Variants in ARHGAP39 observed in about 807,000 individuals in gnomAD.
The protein encoded by ARHGAP39 is rho GTPase-activating protein 39.
A neutral mutation model predicts 106.9 loss-of-function variants in ARHGAP39; 44 were observed. That is an observed-to-expected ratio of 0.41 (90% CI 0.32 to 0.53). The LOEUF is 0.53. Among genes scored for constraint, ARHGAP39 ranks in the 20% least tolerant of loss-of-function variants. The pLI, the probability that ARHGAP39 is intolerant of heterozygous loss-of-function variation, is 0.21. For missense variants in ARHGAP39, 1,496 were observed against 1,577.3 expected, an observed-to-expected ratio of 0.95 and a Z score of 0.87; for synonymous variants, 768 against 693.2, an observed-to-expected ratio of 1.11 and a Z score of -1.69.
intron 2 of ARHGAP39, among the ~76,000 whole-genome samples, chr8:144,601,077 T>C (rs1819895594): frequency 7.0e-6 from 1 of 143,194 alleles, no homozygotes; most frequent in East Asian, 2.2e-4. Flanking sequence ...CTCGTGTACC[T>C]GTGTGCATGT....
the ARHGAP39 span, among the ~76,000 whole-genome samples, chr8:144,693,519 G>A: frequency 0.031 from 4,663 of 152,136 alleles, 233 homozygotes; most frequent in African/African-American, 0.11. Flanking sequence ...GACTACAGGC[G>A]CCCGCTGCCA....
intron 1 of ARHGAP39, among the ~76,000 whole-genome samples, chr8:144,678,028 G>GC (rs1822288002): frequency 6.6e-6 from 1 of 152,184 alleles, no homozygotes; most frequent in Non-Finnish European, 1.5e-5. Context: ...GCCATTCTCT[G>GC]AGGGCAACTC....
intron 9 of ARHGAP39, among the ~76,000 whole-genome samples, chr8:144,532,660 A>G (rs1358582312): frequency 6.6e-6 from 1 of 152,054 alleles, no homozygotes; most frequent in Non-Finnish European, 1.5e-5. Flanking sequence ...CCCTGGGTGG[A>G]TGCCCTCACC....
At chr8:144,624,267 GTATAGGA>G (rs1820883598) in intron 1 of ARHGAP39, among the ~76,000 whole-genome samples, 1 of 152,346 alleles carries the variant, frequency 6.6e-6, no homozygotes, top group Admixed American at 6.5e-5. Context: ...AAAGCGTACA[GTATAGGA>G]TACACTTTTG....
rs372035653 is a variant in ARHGAP39 at position 144,530,590 on chromosome 8, C to T, written c.3177G>A (p.Ala1059=). The change falls in exon 12 of 12, where the codon GCG becomes GCA. Residue 1059 remains alanine, a synonymous_variant. Coordinates refer to ENST00000377307, the MANE Select transcript of ARHGAP39 (RefSeq NM_025251.3). ...LQVFVQPANV[A]VTKMDVSNLA... is the part of the protein sequence containing the mutation. ...GGTTGCTGACATCCATCTTGGTGACCGCGACGTTGGCCGGCTGCACGAAGA... is the reference window on the plus strand; with the variant it reads ...GGTTGCTGACATCCATCTTGGTGACTGCGACGTTGGCCGGCTGCACGAAGA... The T allele has an allele frequency of 4.1e-4, 662 of 1,602,964 alleles. 3 individuals are homozygous for T. Among genetic ancestry groups the T allele is most frequent in the Non-Finnish European group, 3.1e-4 (367 of 1,175,324 alleles).
At chr8:144,649,024 C>T (rs1257270258) in intron 1 of ARHGAP39, among the ~76,000 whole-genome samples, 4 of 152,036 alleles carry the variant, frequency 2.6e-5, no homozygotes, top group South Asian at 2.1e-4. Flanking sequence ...TGAAGGAAAT[C>T]GAGACACAAA....
At chr8:144,594,556 T>A (rs1330572577) in intron 2 of ARHGAP39, among the ~76,000 whole-genome samples, 1 of 151,932 alleles carries the variant, frequency 6.6e-6, no homozygotes, top group Non-Finnish European at 1.5e-5. Context: ...TAGTCAGGTA[T>A]GATGGTGGGC....
At position 144,669,506 on chromosome 8, in the gene ARHGAP39, C is replaced by CAAAAAAAAA. The variant is rs55678140; in HGVS notation, c.-82+16171_-82+16179dup. 1.7e-4 allele frequency among the ~76,000 whole-genome samples: 10 copies of CAAAAAAAAA among 59,732 alleles called. No homozygotes were observed. The East Asian group carries it at 2.5e-3, about 15-fold the overall frequency. 39.2% of individuals were successfully genotyped at this position (59,732 alleles called of 152,430 possible). A position where few individuals can be genotyped will look rare whatever the true frequency, so the allele number is the denominator to read the frequency against. On this transcript the variant is annotated intron_variant, in intron 1 of 11. Transcript: ENST00000377307. ...TGGATGATAGGGCGAGACTCGGTCT[C>CAAAAAAAAA]AAAAAAAAAAAAAAAAAAAAAGATA...
rs183891797 is a variant in ARHGAP39 at position 144,622,342 on chromosome 8, C to T, written c.-81-16647G>A. 2.6e-5 allele frequency among the ~76,000 whole-genome samples: 4 copies of T among 152,120 alleles called. No homozygotes were observed. In the East Asian group the frequency reaches 7.8e-4, roughly 30 times the overall value. On this transcript the variant is annotated intron_variant, in intron 1 of 11. Coordinates refer to ENST00000377307, the MANE Select transcript of ARHGAP39 (RefSeq NM_025251.3). ...AAAAACTTCAGCAATGTCCTCACAC[C>T]CCCATGGCCATGTCAGCAGCCCCAC... is the stretch of plus-strand genomic sequence containing the variant.
At chr8:144,560,427 T>C (rs1818099506) in intron 3 of ARHGAP39, among the ~76,000 whole-genome samples, 1 of 152,102 alleles carries the variant, frequency 6.6e-6, no homozygotes, top group African/African-American at 2.4e-5. Flanking sequence ...AAAACGAGAC[T>C]CCGTCTCAAA....
At chr8:144,582,633 G>A (rs1403372364) in intron 2 of ARHGAP39, among the ~76,000 whole-genome samples, 1 of 152,228 alleles carries the variant, frequency 6.6e-6, no homozygotes, top group Non-Finnish European at 1.5e-5. Context: ...CCATGAGGTG[G>A]GCGTGCTCAG....
chr8:144,554,675 C>T (rs924260671), intron 4 of ARHGAP39, among the ~76,000 whole-genome samples: 2 of 152,184 alleles, frequency 1.3e-5, no homozygotes, highest in Non-Finnish European at 2.9e-5. Flanking sequence ...ACTGAGTCAG[C>T]TGCCCAGATC....
rs759889082 is a variant in ARHGAP39, at chr8:144,547,832, G to A, written c.1254C>T (p.Tyr418=). The change falls in exon 5 of 12, where the codon TAC becomes TAT. Residue 418 remains tyrosine (Y), a synonymous_variant. Coordinates refer to ENST00000377307, the MANE Select transcript of ARHGAP39 (RefSeq NM_025251.3). The surrounding 1 kb of genome is among the most constrained non-coding windows in gnomAD (Gnocchi z 5.2). ...ACGAACCACCGCCGGGGTTGGGCGC[G>A]TACTTGTGCCGCGGGCCGGCGCGCA... ...PKLRAGPRHK[Y]APNPGGGSYS... The A allele has an allele frequency of 1.3e-6, 2 of 1,591,014 alleles. No individual in the cohort carries two copies. Among genetic ancestry groups the A allele is most frequent in the Admixed American group, 3.5e-5 (2 of 57,214 alleles).
chr8:144,693,459 C>T, the ARHGAP39 span, among the ~76,000 whole-genome samples: 9 of 151,902 alleles, frequency 5.9e-5, no homozygotes, highest in Non-Finnish European at 1.3e-4. Context: ...CTGCAAGCTC[C>T]GCCTCCCGGG....
At chr8:144,683,223 G>A (rs1822475273) in intron 1 of ARHGAP39, 3 of 151,422 alleles carry the variant, frequency 2.0e-5, no homozygotes, top group African/African-American at 4.9e-5. Context: ...GCTGAGGCAG[G>A]AGAATGGCAT....
intron 2 of ARHGAP39, among the ~76,000 whole-genome samples, chr8:144,589,559 G>A (rs1819313351): frequency 6.6e-6 from 1 of 152,258 alleles, no homozygotes; most frequent in Non-Finnish European, 1.5e-5. Context: ...GACCTCTCCA[G>A]CTCCCAAACG....
intron 6 of ARHGAP39, among the ~76,000 whole-genome samples, chr8:144,541,143 G>A (rs1214856644): frequency 2.0e-5 from 3 of 152,188 alleles, no homozygotes; most frequent in South Asian, 4.1e-4. Flanking sequence ...GAGCCACCGC[G>A]CCTGGACTCC....
chr8:144,678,610 G>A (rs1822304947), intron 1 of ARHGAP39, among the ~76,000 whole-genome samples: 1 of 152,174 alleles, frequency 6.6e-6, no homozygotes. Context: ...GAGGCACTGG[G>A]GAGCCAGGGA....
chr8:144,688,835 TTAA>T (rs765437485), upstream of ARHGAP39, among the ~76,000 whole-genome samples: 6 of 152,334 alleles, frequency 3.9e-5, no homozygotes, highest in Admixed American at 6.5e-5. Context: ...ATCCAAAATG[TTAA>T]TAATCTTAAT....
Sources: gnomAD v4.1 joint callset for allele counts (sites outside exome capture counted in the v4.1 genomes callset) on GRCh38, gnomAD v4.1.1 for gene constraint, Gnocchi (gnomAD v3.1) non-coding constraint, MANE v1.5 for transcripts, NCBI Gene and HGNC (gene_info 2026-07-23, HGNC 2026-07-21) for gene names.